The following M1AP variants were observed in gnomAD, a reference collection of about 807,000 sequenced individuals.
M1AP encodes meiosis 1 arrest protein.
In M1AP, 39 loss-of-function variants were observed where a neutral mutation model predicts 51.2. The ratio of observed to expected loss-of-function variants is 0.76; its 90% CI spans 0.59 to 1.00. M1AP has a LOEUF of 1.00. Among genes scored for constraint, M1AP ranks in the 50% least tolerant of loss-of-function variants. The pLI is 0.00. For missense variants in M1AP, 545 were observed against 641.2 expected (o/e 0.85, Z 1.62); for synonymous variants, 251 against 249.2 (o/e 1.01, Z -0.07).
intron 1 of M1AP, among the ~76,000 whole-genome samples, chr2:74,641,668 G>A (rs1028006373): frequency 2.6e-5 from 4 of 150,952 alleles, no homozygotes; most frequent in African/African-American, 9.8e-5. Flanking sequence ...TAGAGATGGG[G>A]TCTTGCCATG....
intron 4 of M1AP, among the ~76,000 whole-genome samples, chr2:74,586,994 C>T (rs1287824203): frequency 6.8e-6 from 1 of 147,086 alleles, no homozygotes; most frequent in East Asian, 2.0e-4. Context: ...AAGAGCGAAA[C>T]TCCATTTCAA....
At chr2:74,565,743 C>A (rs1297442517) in intron 7 of M1AP, among the ~76,000 whole-genome samples, 1 of 151,714 alleles carries the variant, frequency 6.6e-6, no homozygotes, top group African/African-American at 2.4e-5. Context: ...GCAGGAGAAT[C>A]ACTTGAACCC....
chr2:74,636,903 T>C (rs1683017620), intron 2 of M1AP, among the ~76,000 whole-genome samples: 1 of 152,178 alleles, frequency 6.6e-6, no homozygotes, highest in Non-Finnish European at 1.5e-5. Flanking sequence ...TTAACAATAG[T>C]TTTTACATGA....
At chr2:74,626,280 G>A (rs1231693333) in intron 2 of M1AP, among the ~76,000 whole-genome samples, 1 of 117,184 alleles carries the variant, frequency 8.5e-6, no homozygotes, top group Non-Finnish European at 1.6e-5. Context: ...TTTTTTTTGA[G>A]ATAGGATCTT....
chr2:74,615,486 A>G (rs1681614412), intron 2 of M1AP: 3 of 286,888 alleles, frequency 1.0e-5, no homozygotes, highest in Middle Eastern at 1.2e-3. Flanking sequence ...TGGAGGCCAG[A>G]CAGTGTTCAC....
chr2:74,613,008 A>C (rs1681459573), intron 3 of M1AP, among the ~76,000 whole-genome samples: 1 of 151,468 alleles, frequency 6.6e-6, no homozygotes, highest in African/African-American at 2.4e-5. Context: ...TTCAGATTTG[A>C]ACATTTCTAT....
intron 2 of M1AP, among the ~76,000 whole-genome samples, chr2:74,627,452 C>G (rs777345049): frequency 6.6e-6 from 1 of 152,144 alleles, no homozygotes; most frequent in African/African-American, 2.4e-5. Flanking sequence ...TTAATCTCCT[C>G]TTTTCTCATT....
chr2:74,641,604 G>A (rs1022170480), intron 1 of M1AP, among the ~76,000 whole-genome samples: 1 of 151,592 alleles, frequency 6.6e-6, no homozygotes, highest in Non-Finnish European at 1.5e-5. Context: ...TTTCACTGAT[G>A]AGCTCCATCA....
chr2:74,598,063 A>G (rs1680446471), intron 4 of M1AP, among the ~76,000 whole-genome samples: 1 of 152,116 alleles, frequency 6.6e-6, no homozygotes, highest in African/African-American at 2.4e-5. Flanking sequence ...GTTGACTTTT[A>G]TTTTTATAAT....
chr2:74,645,719 GCTGC>G (rs1392860204), intron 1 of M1AP, among the ~76,000 whole-genome samples: 1 of 152,186 alleles, frequency 6.6e-6, no homozygotes, highest in Non-Finnish European at 1.5e-5. Context: ...CTACCTCTGA[GCTGC>G]TATTCTGGGC....
In M1AP at chr2:74,559,691, CACTT is replaced by C. The variant is rs767248796; in HGVS notation, c.1434+3_1434+6del. ...CTTTCCTCATCTGTAAATGAGCAAA[CACTT>C]ACCTTGCAGGGATGCTGTGAGGATT... On this transcript the variant is annotated splice_donor_5th_base_variant and intron_variant, in intron 10 of 10. Coordinates refer to ENST00000421985, the MANE Select transcript of M1AP (RefSeq NM_001321739.2). The C allele has an allele frequency of 5.2e-5, 37 of 718,388 alleles. No individual in the cohort carries two copies. The highest frequency in any genetic ancestry group is 8.6e-5 in the Non-Finnish European group (33 of 385,044). The allele number at this position is 718,388 out of a possible 1,614,324, so 44.5% of individuals were successfully genotyped here. A position where few individuals can be genotyped will look rare whatever the true frequency, so the allele number is the denominator to read the frequency against.
intron 4 of M1AP, among the ~76,000 whole-genome samples, chr2:74,594,580 T>G (rs995457415): frequency 6.6e-6 from 1 of 152,120 alleles, no homozygotes. Context: ...TGGGTTAAGA[T>G]GTAAATTTAC....
In M1AP at chr2:74,575,491, C is replaced by G; in HGVS notation, c.1021G>C (p.Asp341His). ...TGTTGCTGATTTGTCTCCAGCTCAT[C>G]CCAGTCCAGCTGCCAACAGCTTGTA... ...RPTSCWQLDW[D>H]ELETNQQHFH... The change falls in exon 7 of 11, where the codon GAT becomes CAT. Residue 341 changes from aspartate to histidine, a missense_variant. By Grantham distance (81) the Asp-to-His change is moderately conservative (BLOSUM62 -1). Coordinates refer to ENST00000421985, the MANE Select transcript of M1AP (RefSeq NM_001321739.2). 6.2e-7 allele frequency: 1 copy of G among 1,614,164 alleles called. No individual in the cohort carries two copies. The highest frequency in any genetic ancestry group is 8.5e-7 in the Non-Finnish European group (1 of 1,180,014).
chr2:74,590,605 T>C (rs1467242762), intron 4 of M1AP, among the ~76,000 whole-genome samples: 1 of 152,102 alleles, frequency 6.6e-6, no homozygotes, highest in African/African-American at 2.4e-5. Flanking sequence ...AGAGTAGCCT[T>C]TTTATAATCT....
chr2:74,637,408 G>A (rs1044401521), intron 2 of M1AP, among the ~76,000 whole-genome samples: 1 of 152,068 alleles, frequency 6.6e-6, no homozygotes, highest in African/African-American at 2.4e-5. Flanking sequence ...TGTCACTTCT[G>A]GGTCAGTTTT....
chr2:74,608,394 A>G (rs947069704), intron 3 of M1AP, among the ~76,000 whole-genome samples: 25 of 152,298 alleles, frequency 1.6e-4, no homozygotes, highest in African/African-American at 5.8e-4. Flanking sequence ...AGGTCCCTCC[A>G]TATCTTTCTG....
At chr2:74,559,164 A>ATT (rs35645412) in intron 10 of M1AP, among the ~76,000 whole-genome samples, 7 of 146,876 alleles carry the variant, frequency 4.8e-5, no homozygotes, top group Non-Finnish European at 6.0e-5. Context: ...GACAAAATGA[A>ATT]TTTTTTTTTT....
At chr2:74,643,587 GTTC>G (rs1293551252) in intron 1 of M1AP, among the ~76,000 whole-genome samples, 3 of 144,430 alleles carry the variant, frequency 2.1e-5, no homozygotes, top group Admixed American at 6.8e-5. Context: ...TGTTGGTAAT[GTTC>G]TTTTTTTTTT....
intron 2 of M1AP, among the ~76,000 whole-genome samples, chr2:74,633,872 A>G (rs1205809567): frequency 6.6e-6 from 1 of 152,164 alleles, no homozygotes; most frequent in Admixed American, 6.5e-5. Flanking sequence ...AACTCTGCCC[A>G]CACCTATGTA....
Sources: allele counts gnomAD v4.1 joint callset (sites outside exome capture counted in the v4.1 genomes callset), GRCh38; gene constraint gnomAD v4.1.1; transcripts MANE v1.5; gene names NCBI Gene and HGNC (gene_info 2026-07-23, HGNC 2026-07-21).